KIF13B: variants seen among roughly 807,000 people sequenced by gnomAD.
KIF13B encodes the protein kinesin family member 13B.
Under a neutral mutation model 222.0 loss-of-function variants are expected in KIF13B, and 127 were observed. That is an observed-to-expected ratio of 0.57 (90% CI 0.50 to 0.66). The LOEUF (loss-of-function observed/expected upper bound fraction) is 0.66. Ranked by LOEUF, KIF13B falls within the 30% of genes least tolerant of loss-of-function variation. KIF13B has a pLI of 0.00. For synonymous variants in KIF13B, 976 were observed against 919.0 expected (o/e 1.06, Z -1.12); for missense variants, 2,173 against 2,379.0 (o/e 0.91, Z 1.80).
intron 31 of KIF13B, among the ~76,000 whole-genome samples, chr8:29,116,378 A>G (rs1809597324): frequency 6.6e-6 from 1 of 152,186 alleles, no homozygotes; most frequent in South Asian, 2.1e-4. Flanking sequence ...CTGAGATGGA[A>G]GGATCACCTG....
intron 29 of KIF13B, among the ~76,000 whole-genome samples, chr8:29,119,208 C>T (rs1674491422): frequency 1.3e-5 from 2 of 152,356 alleles, no homozygotes; most frequent in South Asian, 4.1e-4. Flanking sequence ...ATCTGCTACA[C>T]TTATGCCTTA....
chr8:29,165,828 G>T, intron 11 of KIF13B, 56 bp from the exon 12 acceptor site: 1 of 1,247,898 alleles, frequency 8.0e-7, no homozygotes, highest in South Asian at 1.2e-5. Context: ...GGAAAAAGAA[G>T]TGGCCAACTC....
intron 15 of KIF13B, among the ~76,000 whole-genome samples, 157 bp downstream of exon 15, chr8:29,150,140 A>AAC (rs138711441): frequency 1.3e-5 from 2 of 152,066 alleles, no homozygotes; most frequent in East Asian, 1.9e-4. Flanking sequence ...ACAGTGAATG[A>AAC]ACACACACAC....
At chr8:29,103,706 G>A (rs1400558772) in intron 35 of KIF13B, among the ~76,000 whole-genome samples, 3 of 151,814 alleles carry the variant, frequency 2.0e-5, no homozygotes, top group African/African-American at 7.2e-5. Flanking sequence ...GACAAATAGA[G>A]GAATGGAAAG....
At position 29,232,730 on chromosome 8, in the gene KIF13B, T is replaced by C. The variant is rs552987269; in HGVS notation, c.149+12616A>G. 4.3e-4 allele frequency among the ~76,000 whole-genome samples: 66 copies of C among 152,360 alleles called. 1 individual carries two copies. The South Asian group carries it at 9.5e-3, about 22-fold the overall frequency. On this transcript the variant is annotated intron_variant, in intron 2 of 39. Transcript: ENST00000524189. The stretch of plus-strand genomic sequence containing the variant: ...ACAACAGTGATTTGTCAAAGGCTTC[T>C]TGCTTTTTCCAGGATCCATCATAGA...
At chr8:29,198,328 GTTTTTTT>G (rs11450963) in intron 2 of KIF13B, among the ~76,000 whole-genome samples, 1 of 150,280 alleles carries the variant, frequency 6.7e-6, no homozygotes, top group African/African-American at 2.4e-5. Flanking sequence ...TTTGTTTTTT[GTTTTTTT>G]TTGAGACAGA....
chr8:29,102,588 C>T (rs1735498242), intron 35 of KIF13B, among the ~76,000 whole-genome samples: 2 of 152,244 alleles, frequency 1.3e-5, no homozygotes, highest in Admixed American at 1.3e-4. Context: ...CCCACTCCTG[C>T]TCCTCTGCCA....
At chr8:29,190,692 T>C (rs1813138963) in intron 4 of KIF13B, 1 of 337,264 alleles carries the variant, frequency 3.0e-6, no homozygotes, top group South Asian at 3.6e-5. Context: ...CCTGCGCTGG[T>C]GGGAAGGAGG....
chr8:29,126,052 A>T (rs1345614339), intron 26 of KIF13B, among the ~76,000 whole-genome samples: 1 of 151,800 alleles, frequency 6.6e-6, no homozygotes, highest in Non-Finnish European at 1.5e-5. Context: ...GCGCTATTGC[A>T]CTCCAGCCTG....
chr8:29,203,626 C>T (rs1416418501), intron 2 of KIF13B, among the ~76,000 whole-genome samples: 3 of 152,188 alleles, frequency 2.0e-5, no homozygotes, highest in Admixed American at 2.0e-4. Flanking sequence ...GGTGCGGTGG[C>T]TCACGCCTGT....
intron 10 of KIF13B, among the ~76,000 whole-genome samples, chr8:29,174,994 T>C (rs942653664): frequency 6.6e-6 from 1 of 152,196 alleles, no homozygotes; most frequent in African/African-American, 2.4e-5. Flanking sequence ...GGGCGGCCCG[T>C]GTTGAACTCA....
chr8:29,192,599 T>C (rs1813235676), intron 3 of KIF13B, among the ~76,000 whole-genome samples: 1 of 152,198 alleles, frequency 6.6e-6, no homozygotes, highest in Admixed American at 6.5e-5. Flanking sequence ...CTAAAATATT[T>C]TATCTATCTC....
At chr8:29,126,636 C>T (rs1810122547) in intron 25 of KIF13B, 125 bp from the exon 26 acceptor site, 1 of 677,774 alleles carries the variant, frequency 1.5e-6, no homozygotes, top group African/African-American at 1.8e-5. Flanking sequence ...ACTATTTCAT[C>T]TCCCACCTAC....
At chr8:29,167,814 T>C (rs1325220277) in intron 10 of KIF13B, among the ~76,000 whole-genome samples, 2 of 152,192 alleles carry the variant, frequency 1.3e-5, no homozygotes, top group African/African-American at 4.8e-5. Flanking sequence ...GACGGGGAAA[T>C]GTCATGAAAC....
chr8:29,080,984 A>T (rs894536385), intron 37 of KIF13B, among the ~76,000 whole-genome samples: 1 of 152,202 alleles, frequency 6.6e-6, no homozygotes, highest in Admixed American at 6.5e-5. Context: ...TCCGAAAAAC[A>T]AAAGTGACCA....
chr8:29,245,206 G>T (rs1815967647), intron 2 of KIF13B, 140 bp downstream of exon 2: 1 of 666,754 alleles, frequency 1.5e-6, no homozygotes, highest in African/African-American at 1.8e-5. Flanking sequence ...TCTTCAACTT[G>T]AGTACAGGCT....
chr8:29,155,039 T>C (rs1383886504), intron 14 of KIF13B, among the ~76,000 whole-genome samples: 1 of 152,166 alleles, frequency 6.6e-6, no homozygotes, highest in Non-Finnish European at 1.5e-5. Context: ...AACAGCTCTA[T>C]AGCTGAAGGA....
Position 29,180,350 on chromosome 8 carries a change from G to T in KIF13B, c.586-112C>A, listed in dbSNP as rs908410426. The T allele has an allele frequency of 3.8e-6, 4 of 1,061,552 alleles. No homozygotes were observed. The African/African-American group carries it at 6.3e-5, about 17-fold the overall frequency. 65.8% of individuals were successfully genotyped at this position (1,061,552 alleles called of 1,614,324 possible). ...TTTTGCTACTTAGTCAACAACATTT[G>T]GAGTTAACATTTTGTTTCTCAATGA... On this transcript the variant is annotated intron_variant, in intron 7 of 39. Coordinates refer to ENST00000524189, the MANE Select transcript of KIF13B (RefSeq NM_015254.4).
chr8:29,129,685 T>C (rs1272156847), intron 24 of KIF13B, among the ~76,000 whole-genome samples: 1 of 151,930 alleles, frequency 6.6e-6, no homozygotes, highest in Non-Finnish European at 1.5e-5. Context: ...CAAATTAAAT[T>C]AAAAATTTCC....
Sources: allele counts gnomAD v4.1 joint callset (sites outside exome capture counted in the v4.1 genomes callset), GRCh38; gene constraint gnomAD v4.1.1; transcripts MANE v1.5; gene names NCBI Gene and HGNC (gene_info 2026-07-23, HGNC 2026-07-21).